AUTS2: variants seen among roughly 807,000 people sequenced by gnomAD.
AUTS2 encodes the protein activator of transcription and developmental regulator AUTS2, also known as autism susceptibility gene 2 protein.
A neutral mutation model predicts 112.4 loss-of-function variants in AUTS2; 17 were observed. The ratio of observed to expected loss-of-function variants is 0.15; its 90% confidence interval spans 0.10 to 0.23. AUTS2 has a LOEUF of 0.23. Ranked by LOEUF, AUTS2 falls within the 10% of genes least tolerant of loss-of-function variation. AUTS2 has a pLI of 1.00. For synonymous variants in AUTS2, 751 were observed against 702.7 expected, an observed-to-expected ratio of 1.07 and a Z score of -1.09; for missense variants, 1,510 against 1,701.6, an observed-to-expected ratio of 0.89 and a Z score of 1.98.
At chr7:70,174,188 G>T (rs1775649379) in intron 4 of AUTS2, among the ~76,000 whole-genome samples, 1 of 152,194 alleles carries the variant, frequency 6.6e-6, no homozygotes, top group Non-Finnish European at 1.5e-5. Context: ...CCCTTTTGCT[G>T]ATATGGAGAA....
Position 69,965,689 on chromosome 7 carries a change from G to T in AUTS2, c.522+66191G>T, listed in dbSNP as rs145050277. ...TTCAGGGAATTGAGAGGGGCCAGTAGGAACAGAGCCATTCTTCTCAGAGAA... is the reference window on the plus strand; with the variant it reads ...TTCAGGGAATTGAGAGGGGCCAGTATGAACAGAGCCATTCTTCTCAGAGAA... On this transcript the variant is annotated intron_variant, in intron 2 of 18. Transcript: ENST00000342771. 2.4e-3 allele frequency among the ~76,000 whole-genome samples: 369 copies of T among 152,240 alleles called. 2 individuals are homozygous for T. The highest frequency in any genetic ancestry group is 8.4e-3 in the African/African-American group (349 of 41,548).
chr7:69,648,595 A>G (rs1167602069), intron 1 of AUTS2, among the ~76,000 whole-genome samples: 1 of 152,098 alleles, frequency 6.6e-6, no homozygotes, highest in East Asian at 1.9e-4. Flanking sequence ...GTGTAGTAGA[A>G]CAGTCTTTGG....
chr7:69,696,321 C>T (rs781501040), intron 1 of AUTS2, among the ~76,000 whole-genome samples: 3 of 152,188 alleles, frequency 2.0e-5, no homozygotes, highest in Admixed American at 6.5e-5. Context: ...TCCTTAGTAA[C>T]GTCAGCCTTC....
chr7:70,331,664 C>T (rs1790757506), intron 4 of AUTS2, among the ~76,000 whole-genome samples: 1 of 152,068 alleles, frequency 6.6e-6, no homozygotes, highest in Admixed American at 6.6e-5. Context: ...GCTGGTTCAA[C>T]ATATGCAAAT....
intron 1 of AUTS2, among the ~76,000 whole-genome samples, chr7:69,707,493 T>TA (rs768037218): frequency 9.2e-5 from 14 of 151,758 alleles, no homozygotes; most frequent in Admixed American, 2.0e-4. Context: ...AATTTTTATT[T>TA]AAAAAAAAAG....
intron 2 of AUTS2, among the ~76,000 whole-genome samples, chr7:70,027,848 A>G (rs563449937): frequency 1.3e-5 from 2 of 151,728 alleles, no homozygotes; most frequent in East Asian, 1.9e-4. Context: ...TTGTTTAAGT[A>G]CAAGGAACTC....
At chr7:70,474,597 A>G (rs1797511041) in intron 5 of AUTS2, among the ~76,000 whole-genome samples, 1 of 152,348 alleles carries the variant, frequency 6.6e-6, no homozygotes, top group East Asian at 1.9e-4. Flanking sequence ...ACAGAGGCAT[A>G]TAAAACTCCT....
Position 70,102,531 on chromosome 7 carries a change from TCA to T in AUTS2, c.523-15583_523-15582del, listed in dbSNP as rs141456617. ...TGGCATTATAGTTTCTTTGGTTAGA[TCA>T]CACACACACACACACACGTACGTAT... On this transcript the variant is annotated intron_variant, in intron 2 of 18. Coordinates refer to ENST00000342771, the MANE Select transcript of AUTS2 (RefSeq NM_015570.4). Among the ~76,000 whole-genome samples, 722 of 149,526 alleles carry T rather than the reference TCA, an allele frequency of 4.8e-3. 6 individuals carry two copies. The highest frequency in any genetic ancestry group is 0.015 in the African/African-American group (634 of 40,994).
intron 4 of AUTS2, among the ~76,000 whole-genome samples, chr7:70,383,623 C>G (rs1793473567): frequency 6.6e-6 from 1 of 152,186 alleles, no homozygotes; most frequent in African/African-American, 2.4e-5. Flanking sequence ...TTAGCCAGAG[C>G]ATTCCCAGCC....
chr7:70,409,841 C>CT (rs1562941150), intron 4 of AUTS2, among the ~76,000 whole-genome samples: 1 of 152,134 alleles, frequency 6.6e-6, no homozygotes, highest in African/African-American at 2.4e-5. Context: ...TTCGGTACAC[C>CT]TTTATAAGTT....
At chr7:69,943,296 G>A (rs1401098413) in intron 2 of AUTS2, among the ~76,000 whole-genome samples, 1 of 152,148 alleles carries the variant, frequency 6.6e-6, no homozygotes, top group Non-Finnish European at 1.5e-5. Context: ...CTGGAACATA[G>A]TATGTTTCCT....
chr7:70,460,700 G>T (rs1796929092), intron 5 of AUTS2, among the ~76,000 whole-genome samples: 1 of 152,072 alleles, frequency 6.6e-6, no homozygotes, highest in South Asian at 2.1e-4. Context: ...GTGAGAATCA[G>T]GCCTCTGGCA....
At chr7:70,189,351 T>C (rs1809765414) in intron 4 of AUTS2, among the ~76,000 whole-genome samples, 1 of 152,224 alleles carries the variant, frequency 6.6e-6, no homozygotes, top group Non-Finnish European at 1.5e-5. Flanking sequence ...TACTGTGGCA[T>C]TGAATCTTGG....
chr7:70,711,474 C>T lies in AUTS2; in HGVS notation c.742+12854C>T, dbSNP rs1810046124. 2.6e-5 allele frequency among the ~76,000 whole-genome samples: 4 copies of T among 152,206 alleles called. No individual in the cohort carries two copies. The South Asian group carries it at 8.3e-4, about 32-fold the overall frequency. ...TCAGGCCAAAAATACCTCCACAATA[C>T]CTGCTCGACATCCTGGGCTTCCAAG... is the stretch of plus-strand genomic sequence containing the variant. On this transcript the variant is annotated intron_variant, in intron 6 of 18. Coordinates refer to ENST00000342771, the MANE Select transcript of AUTS2 (RefSeq NM_015570.4).
intron 5 of AUTS2, among the ~76,000 whole-genome samples, chr7:70,674,174 G>A (rs1235257446): frequency 2.0e-5 from 3 of 152,200 alleles, no homozygotes; most frequent in Admixed American, 1.3e-4. Flanking sequence ...AAGGGGCGGT[G>A]GGGGAGGGGG....
At chr7:70,084,528 T>C (rs75412295) in intron 2 of AUTS2, among the ~76,000 whole-genome samples, 185 of 152,304 alleles carry the variant, frequency 1.2e-3, no homozygotes, top group African/African-American at 4.2e-3. Context: ...TGTTTCCATA[T>C]CCTTGCCAAT....
In AUTS2 at chr7:69,899,417, C is replaced by G; in HGVS notation, c.441C>G (p.His147Gln). 6.2e-7 allele frequency: 1 copy of G among 1,614,026 alleles called. No individual in the cohort carries two copies. ...AGAGCAGACTCAGCCACCCACACCACTACAGCTCAGATCGAGAAAATGACC... is the reference window on the plus strand; with the variant it reads ...AGAGCAGACTCAGCCACCCACACCAGTACAGCTCAGATCGAGAAAATGACC... ...SKKSRLSHPHHYSSDRENDRN... is the reference protein window; with the variant it reads ...SKKSRLSHPHQYSSDRENDRN... Residue 147 changes from histidine (H) to glutamine (Q), a missense_variant, in exon 2 of 19, where the codon CAC becomes CAG. Physicochemically the swap from His to Gln is conservative, Grantham distance 24. Coordinates refer to ENST00000342771, the MANE Select transcript of AUTS2 (RefSeq NM_015570.4).
At chr7:70,013,615 C>A (rs1799899537) in intron 2 of AUTS2, among the ~76,000 whole-genome samples, 1 of 152,190 alleles carries the variant, frequency 6.6e-6, no homozygotes, top group Admixed American at 6.5e-5. Flanking sequence ...TTTTTAATAT[C>A]TTAGCTTGCA....
At position 69,887,284 on chromosome 7, in the gene AUTS2, T is replaced by G. The variant is rs537754096; in HGVS notation, c.310-12002T>G. On this transcript the variant is annotated intron_variant, in intron 1 of 18. Transcript: ENST00000342771. ...ACAAAAAATTAGCCGGGCATGGTGA[T>G]GTATGCCTGTAATCCCAGCTACATG... is the stretch of plus-strand genomic sequence containing the variant. Among the ~76,000 whole-genome samples the G allele has an allele frequency of 4.0e-5, 6 of 151,888 alleles. No homozygotes were observed. The East Asian group carries it at 1.2e-3, about 30-fold the overall frequency.
Sources: gnomAD v4.1 joint callset for allele counts (sites outside exome capture counted in the v4.1 genomes callset) on GRCh38, gnomAD v4.1.1 for gene constraint, MANE v1.5 for transcripts, NCBI Gene and HGNC (gene_info 2026-07-23, HGNC 2026-07-21) for gene names.